The following PITPNB variants were observed in gnomAD, a reference collection of about 807,000 sequenced individuals.
The protein encoded by PITPNB is phosphatidylinositol transfer protein beta.
Under a neutral mutation model 45.9 loss-of-function variants are expected in PITPNB, and 16 were observed. That is an observed-to-expected ratio of 0.35 (90% CI 0.24 to 0.53). PITPNB has a LOEUF of 0.53. Among genes scored for constraint, PITPNB ranks in the 20% least tolerant of loss-of-function variants. PITPNB has a pLI of 0.93. For synonymous variants in PITPNB, 112 were observed against 108.9 expected (o/e 1.03, Z -0.18); for missense variants, 188 against 330.5 (o/e 0.57, Z 3.34).
chr22:27,902,821 C>A (rs945610550), intron 3 of PITPNB, among the ~76,000 whole-genome samples: 2 of 152,134 alleles, frequency 1.3e-5, no homozygotes, highest in African/African-American at 4.8e-5. Context: ...TGGGCTCAAG[C>A]GATTCTCCCA....
chr22:27,887,369 G>A (rs1038205949), intron 7 of PITPNB, among the ~76,000 whole-genome samples: 1 of 152,206 alleles, frequency 6.6e-6, no homozygotes, highest in Non-Finnish European at 1.5e-5. Flanking sequence ...ATCATTCCCT[G>A]TTTACAAAGC....
chr22:27,890,674 C>T (rs1935250463), intron 7 of PITPNB, among the ~76,000 whole-genome samples: 1 of 152,088 alleles, frequency 6.6e-6, no homozygotes, highest in African/African-American at 2.4e-5. Context: ...ATTAGCTGGG[C>T]ATGGTGGTGG....
At chr22:27,903,965 C>T (rs984946916) in intron 3 of PITPNB, among the ~76,000 whole-genome samples, 6 of 151,852 alleles carry the variant, frequency 4.0e-5, no homozygotes, top group South Asian at 2.1e-4. Flanking sequence ...CACTAGAATG[C>T]TTGTAATAAA....
intron 3 of PITPNB, among the ~76,000 whole-genome samples, chr22:27,910,228 G>C (rs1314315162): frequency 6.6e-6 from 1 of 152,122 alleles, no homozygotes; most frequent in Non-Finnish European, 1.5e-5. Flanking sequence ...GGGATTACAA[G>C]CGTGAGCCAC....
intron 7 of PITPNB, among the ~76,000 whole-genome samples, chr22:27,888,406 G>A (rs1240419312): frequency 6.6e-6 from 1 of 152,228 alleles, no homozygotes; most frequent in Non-Finnish European, 1.5e-5. Context: ...ACTAGCAACA[G>A]TTCCACTAAT....
chr22:27,891,595 C>G (rs1935281044), intron 7 of PITPNB, among the ~76,000 whole-genome samples: 1 of 152,158 alleles, frequency 6.6e-6, no homozygotes, highest in Non-Finnish European at 1.5e-5. Flanking sequence ...AGGGAGGTGA[C>G]TGGACCATGG....
intron 7 of PITPNB, among the ~76,000 whole-genome samples, chr22:27,875,188 C>A (rs1934785094): frequency 6.6e-6 from 1 of 152,206 alleles, no homozygotes; most frequent in African/African-American, 2.4e-5. Flanking sequence ...GAACTTGAAG[C>A]CTCTCTAAAG....
intron 3 of PITPNB, among the ~76,000 whole-genome samples, chr22:27,906,298 T>A: frequency 6.6e-6 from 1 of 152,226 alleles, no homozygotes; most frequent in African/African-American, 2.4e-5. Flanking sequence ...GATGGACTTA[T>A]ACAATTGGGA....
chr22:27,897,495 T>G (rs1935469388), intron 4 of PITPNB, among the ~76,000 whole-genome samples: 1 of 152,194 alleles, frequency 6.6e-6, no homozygotes, highest in East Asian at 1.9e-4. Flanking sequence ...TTAAGTAAAA[T>G]ACTGTTGAAA....
chr22:27,902,773 C>G (rs1356871903), intron 3 of PITPNB, among the ~76,000 whole-genome samples: 1 of 152,146 alleles, frequency 6.6e-6, no homozygotes, highest in Non-Finnish European at 1.5e-5. Flanking sequence ...GGCTGGAGAA[C>G]AGTGGTGTAA....
At chr22:27,871,194 A>G (rs1934648698) in intron 8 of PITPNB, among the ~76,000 whole-genome samples, 1 of 152,224 alleles carries the variant, frequency 6.6e-6, no homozygotes, top group Non-Finnish European at 1.5e-5. Context: ...CAGGCCAGAC[A>G]TGGTATATAT....
chr22:27,903,154 C>T (rs1935650056), intron 3 of PITPNB, among the ~76,000 whole-genome samples: 1 of 151,998 alleles, frequency 6.6e-6, no homozygotes, highest in African/African-American at 2.4e-5. Context: ...GACAACTTAA[C>T]AAAGAAAACT....
At chr22:27,907,119 T>C (rs1935786167) in intron 3 of PITPNB, among the ~76,000 whole-genome samples, 1 of 152,238 alleles carries the variant, frequency 6.6e-6, no homozygotes, top group South Asian at 2.1e-4. Flanking sequence ...GGATAATTTA[T>C]GGAGTAAATG....
At chr22:27,890,274 G>A (rs556394459) in intron 7 of PITPNB, among the ~76,000 whole-genome samples, 1 of 151,544 alleles carries the variant, frequency 6.6e-6, no homozygotes, top group African/African-American at 2.4e-5. Context: ...TCTGCTCCAG[G>A]CTTAAAAACT....
At position 27,904,487 on chromosome 22, in the gene PITPNB, G is replaced by C. The variant is rs903678118; in HGVS notation, c.197+6477C>G. 2.6e-5 allele frequency among the ~76,000 whole-genome samples: 4 copies of C among 152,358 alleles called. No individual in the cohort carries two copies. The East Asian group carries it at 7.7e-4, about 29-fold the overall frequency. ...CTGGGAGGAGTGGGTAATAGTCAGT[G>C]ACTGCTAATGAATACGAGATTTCTT... On this transcript the variant is annotated intron_variant, in intron 3 of 11. Coordinates refer to ENST00000335272, the MANE Select transcript of PITPNB (RefSeq NM_012399.5).
chr22:27,880,806 G>A (rs1300191722), intron 7 of PITPNB, among the ~76,000 whole-genome samples: 3 of 152,066 alleles, frequency 2.0e-5, no homozygotes, highest in Non-Finnish European at 4.4e-5. Flanking sequence ...ATTTTTAGTA[G>A]AGAGGGGGTT....
chr22:27,868,154 G>A (rs1324249584), intron 8 of PITPNB, among the ~76,000 whole-genome samples: 2 of 152,246 alleles, frequency 1.3e-5, no homozygotes, highest in Non-Finnish European at 2.9e-5. Context: ...CAAATGCTTC[G>A]TATCCTCCCT....
At position 27,865,704 on chromosome 22, in the gene PITPNB, G is replaced by A. The variant is rs141744179; in HGVS notation, c.535-5463C>T. Among the ~76,000 whole-genome samples, 1,135 of 152,172 alleles carry A rather than the reference G, an allele frequency of 7.5e-3. 15 individuals carry two copies. The highest frequency in any genetic ancestry group is 0.026 in the African/African-American group (1,065 of 41,508). ...CTTTAAAAAAATACAAATGTTGCGCGGAGGGTGAAAGGAAGGAGAGGAACA... is the reference window on the plus strand; with the variant it reads ...CTTTAAAAAAATACAAATGTTGCGCAGAGGGTGAAAGGAAGGAGAGGAACA... On this transcript the variant is annotated intron_variant, in intron 8 of 11. Coordinates refer to ENST00000335272, the MANE Select transcript of PITPNB (RefSeq NM_012399.5).
chr22:27,893,885 C>A (rs145501481), intron 7 of PITPNB, among the ~76,000 whole-genome samples: 2 of 152,210 alleles, frequency 1.3e-5, no homozygotes, highest in Non-Finnish European at 2.9e-5. Context: ...GCCACTGTGT[C>A]CAGCCTAAGA....
Sources: allele counts gnomAD v4.1 joint callset (sites outside exome capture counted in the v4.1 genomes callset), GRCh38; gene constraint gnomAD v4.1.1; transcripts MANE v1.5; gene names NCBI Gene and HGNC (gene_info 2026-07-23, HGNC 2026-07-21).